Variants in SYNRG observed in about 807,000 individuals in gnomAD.
SYNRG encodes the protein AP1 gamma subunit binding protein 1.
Under a neutral mutation model 130.9 loss-of-function variants are expected in SYNRG, and 37 were observed. The observed-to-expected ratio is 0.28, with a 90% CI of 0.22 to 0.37. The LOEUF is 0.37. Ranked by LOEUF, SYNRG falls within the 10% of genes least tolerant of loss-of-function variation. SYNRG has a pLI of 1.00. For missense variants in SYNRG, 1,338 were observed against 1,588.9 expected, an observed-to-expected ratio of 0.84 and a Z score of 2.68; for synonymous variants, 539 against 568.1, an observed-to-expected ratio of 0.95 and a Z score of 0.73.
At chr17:37,601,963 T>C (rs963308124) in intron 1 of SYNRG, among the ~76,000 whole-genome samples, 1 of 151,936 alleles carries the variant, frequency 6.6e-6, no homozygotes, top group Non-Finnish European at 1.5e-5. Flanking sequence ...GCACTTGGCC[T>C]AGGCTCTTTT....
chr17:37,581,765 CTTTT>C (rs398041650), intron 6 of SYNRG, among the ~76,000 whole-genome samples: 1 of 105,304 alleles, frequency 9.5e-6, no homozygotes, highest in African/African-American at 3.6e-5. Flanking sequence ...CATTTTTTTT[CTTTT>C]TTTTTTTTTT....
At chr17:37,562,460 T>C (rs2059610028) in intron 11 of SYNRG, among the ~76,000 whole-genome samples, 2 of 152,162 alleles carry the variant, frequency 1.3e-5, no homozygotes, top group South Asian at 4.1e-4. Context: ...CCTTTACATA[T>C]GAATGACTAC....
rs915973145 is a variant in SYNRG at position 37,553,820 on chromosome 17, C to G, written c.1903G>C (p.Ala635Pro). The change falls in exon 14 of 22, where the codon GCT becomes CCT. Residue 635 changes from alanine to proline, a missense_variant. Physicochemically the swap from Ala to Pro is conservative, Grantham distance 27 (BLOSUM62 -1). Coordinates refer to ENST00000612223, the MANE Select transcript of SYNRG (RefSeq NM_007247.6). The stretch of plus-strand genomic sequence containing the variant: ...ACTGATTTTGATGTGCTAAACACAG[C>G]TGAAAAAGACAATGGTTTCTCGCTG... ...CSSEKPLSFS[A>P]VFSTSKSVST... 30 of 1,613,190 alleles carry G rather than the reference C, an allele frequency of 1.9e-5. No homozygotes were observed. The highest frequency in any genetic ancestry group is 2.5e-5 in the Non-Finnish European group (30 of 1,179,882).
At chr17:37,585,152 T>C (rs2061599614) in intron 5 of SYNRG, among the ~76,000 whole-genome samples, 173 bp downstream of exon 5, 1 of 152,232 alleles carries the variant, frequency 6.6e-6, no homozygotes, top group Non-Finnish European at 1.5e-5. Flanking sequence ...GCAGTGTATC[T>C]TTACAGAAAA....
intron 11 of SYNRG, among the ~76,000 whole-genome samples, chr17:37,562,679 AT>A (rs1568398210): frequency 6.6e-6 from 1 of 152,150 alleles, no homozygotes; most frequent in Non-Finnish European, 1.5e-5. Context: ...AAATATTATG[AT>A]TTCACGTCAC....
chr17:37,530,317 T>G (rs752086797), intron 19 of SYNRG, among the ~76,000 whole-genome samples: 25 of 152,172 alleles, frequency 1.6e-4, no homozygotes, highest in Non-Finnish European at 2.9e-4. Flanking sequence ...ATGATGATAT[T>G]CAGGCTTAAT....
intron 21 of SYNRG, among the ~76,000 whole-genome samples, chr17:37,519,952 C>G (rs1046350529): frequency 6.6e-6 from 1 of 152,176 alleles, no homozygotes; most frequent in Non-Finnish European, 1.5e-5. Flanking sequence ...AGAAAAATAA[C>G]TGCAACACCA....
chr17:37,580,935 A>G (rs1253069765), intron 6 of SYNRG, among the ~76,000 whole-genome samples: 1 of 152,056 alleles, frequency 6.6e-6, no homozygotes, highest in African/African-American at 2.4e-5. Flanking sequence ...CTCCCAAAGC[A>G]CTGGGATTAC....
intron 19 of SYNRG, among the ~76,000 whole-genome samples, chr17:37,525,158 A>C (rs1009471332): frequency 1.1e-4 from 17 of 152,242 alleles, no homozygotes; most frequent in African/African-American, 3.9e-4. Context: ...GGCACCAATC[A>C]TATAAGATAA....
chr17:37,548,310 T>C (rs781056449), intron 14 of SYNRG, among the ~76,000 whole-genome samples: 1 of 152,200 alleles, frequency 6.6e-6, no homozygotes, highest in Non-Finnish European at 1.5e-5. Context: ...AGGAAGCACA[T>C]ATCATAAATA....
At chr17:37,529,638 G>C (rs1006434873) in intron 19 of SYNRG, 2 of 678,938 alleles carry the variant, frequency 2.9e-6, no homozygotes, top group African/African-American at 3.7e-5. Context: ...TTGGGAAAAG[G>C]TACAAAAATG....
chr17:37,604,833 G>T (rs2063607256), intron 1 of SYNRG, among the ~76,000 whole-genome samples: 1 of 152,178 alleles, frequency 6.6e-6, no homozygotes, highest in Non-Finnish European at 1.5e-5. Flanking sequence ...TTTCAATACT[G>T]TTATGTCTCA....
At chr17:37,538,509 C>A in intron 17 of SYNRG, 89 bp from the exon 18 acceptor site, 1 of 833,288 alleles carries the variant, frequency 1.2e-6, no homozygotes, top group Admixed American at 2.6e-5. Context: ...AACCGAAAAG[C>A]CAGGAGGTGT....
intron 11 of SYNRG, among the ~76,000 whole-genome samples, chr17:37,562,038 T>A (rs186842717): frequency 1.5e-3 from 230 of 152,300 alleles, no homozygotes; most frequent in Non-Finnish European, 2.8e-3. Context: ...ATTATTAACT[T>A]CAATGGGTTC....
intron 3 of SYNRG, among the ~76,000 whole-genome samples, chr17:37,594,032 C>T (rs1314365433): frequency 6.6e-6 from 1 of 151,788 alleles, no homozygotes; most frequent in Non-Finnish European, 1.5e-5. Flanking sequence ...GTACTAACAA[C>T]TCTCATAGTT....
At position 37,516,314 on chromosome 17, in the gene SYNRG, C is replaced by T. The variant is rs1469639842; in HGVS notation, c.*2626G>A. On this transcript the variant is annotated 3_prime_UTR_variant, in exon 22 of 22. Transcript: ENST00000612223. ...AGAAAAGCAGCGCAACCGTGTCCCA[C>T]ACTCCTTGGATCCCTATTGGTGGCA... 1 of 152,208 alleles carries T rather than the reference C, an allele frequency of 6.6e-6. No individual in the cohort carries two copies. The highest frequency in any genetic ancestry group is 6.5e-5 in the Admixed American group (1 of 15,288). The allele number at this position is 152,208 out of a possible 1,614,324, so 9.4% of individuals were successfully genotyped here. A position where few individuals can be genotyped will look rare whatever the true frequency, so the allele number is the denominator to read the frequency against.
At chr17:37,529,742 A>G (rs367655381) in intron 19 of SYNRG, 19 of 1,541,748 alleles carry the variant, frequency 1.2e-5, no homozygotes, top group Middle Eastern at 1.7e-4. Flanking sequence ...CCTTTCCCCC[A>G]AATTCACAAG....
chr17:37,586,286 G>T, intron 4 of SYNRG, 133 bp downstream of exon 4: 1 of 1,311,078 alleles, frequency 7.6e-7, no homozygotes, highest in Non-Finnish European at 1.0e-6. Flanking sequence ...GAACCACTGG[G>T]CCAGGCCTTA....
At chr17:37,555,716 C>T (rs956550143) in intron 13 of SYNRG, among the ~76,000 whole-genome samples, 7 of 152,066 alleles carry the variant, frequency 4.6e-5, no homozygotes, top group Admixed American at 2.0e-4. Context: ...CAAGCCTGGC[C>T]AACATGGAGA....
Sources: gnomAD v4.1 joint callset for allele counts (sites outside exome capture counted in the v4.1 genomes callset) on GRCh38, gnomAD v4.1.1 for gene constraint, MANE v1.5 for transcripts, NCBI Gene and HGNC (gene_info 2026-07-23, HGNC 2026-07-21) for gene names.